The following SETD3 variants were observed in gnomAD, a reference collection of about 807,000 sequenced individuals.
SETD3 encodes SET domain containing 3, actin N3(tau)-histidine methyltransferase, also known as actin-histidine N-methyltransferase.
A neutral mutation model predicts 63.0 loss-of-function variants in SETD3; 19 were observed. That is an observed-to-expected ratio of 0.30 (90% confidence interval 0.21 to 0.44). The LOEUF (loss-of-function observed/expected upper bound fraction) is 0.44. SETD3 is among the 20% of genes least tolerant of loss of function. The pLI is 1.00. For synonymous variants in SETD3, 286 were observed against 264.1 expected, an observed-to-expected ratio of 1.08 and a Z score of -0.80; for missense variants, 587 against 728.5, an observed-to-expected ratio of 0.81 and a Z score of 2.24.
intron 6 of SETD3, among the ~76,000 whole-genome samples, chr14:99,446,901 C>A (rs1566716688): frequency 6.6e-6 from 1 of 151,846 alleles, no homozygotes; most frequent in Non-Finnish European, 1.5e-5. Context: ...CTCCCCCAGG[C>A]TCCAAGGCAG....
intron 6 of SETD3, among the ~76,000 whole-genome samples, chr14:99,447,022 G>C (rs1029651472): frequency 6.7e-6 from 1 of 150,372 alleles, no homozygotes; most frequent in African/African-American, 2.5e-5. Flanking sequence ...ACCCAGGCTA[G>C]AGCGCAGTGG....
chr14:99,457,099 CATGAAGAG>C (rs1295003735), intron 6 of SETD3, among the ~76,000 whole-genome samples: 6 of 152,204 alleles, frequency 3.9e-5, no homozygotes, highest in Non-Finnish European at 7.3e-5. Context: ...CCTTCCAGGT[CATGAAGAG>C]CCAAACCAAC....
chr14:99,468,341 T>C (rs1895510479), intron 1 of SETD3, among the ~76,000 whole-genome samples: 1 of 151,838 alleles, frequency 6.6e-6, no homozygotes, highest in Admixed American at 6.6e-5. Context: ...GTCTCGTACA[T>C]CTCCCTGCCC....
At chr14:99,459,930 A>T (rs1431371712) in intron 4 of SETD3, among the ~76,000 whole-genome samples, 3 of 152,180 alleles carry the variant, frequency 2.0e-5, no homozygotes, top group African/African-American at 7.2e-5. Flanking sequence ...GTGAGAAATA[A>T]ATGTCTGTTG....
chr14:99,399,545 A>G (rs1410180883), intron 12 of SETD3, among the ~76,000 whole-genome samples: 1 of 152,188 alleles, frequency 6.6e-6, no homozygotes, highest in Non-Finnish European at 1.5e-5. Context: ...GTGAACTTAA[A>G]AAGCACAAAT....
At chr14:99,415,213 TG>T (rs1404907159) in intron 6 of SETD3, among the ~76,000 whole-genome samples, 2 of 152,166 alleles carry the variant, frequency 1.3e-5, no homozygotes, top group Non-Finnish European at 2.9e-5. Context: ...AGTGGGAAAG[TG>T]TTGTTTTTGT....
At chr14:99,420,615 C>A (rs1892533682) in intron 6 of SETD3, among the ~76,000 whole-genome samples, 2 of 152,162 alleles carry the variant, frequency 1.3e-5, no homozygotes, top group Non-Finnish European at 2.9e-5. Flanking sequence ...ACACAGCTTT[C>A]CACATCCTTC....
intron 1 of SETD3, among the ~76,000 whole-genome samples, chr14:99,470,578 T>A (rs1373112892): frequency 1.3e-5 from 2 of 152,170 alleles, no homozygotes; most frequent in Non-Finnish European, 2.9e-5. Flanking sequence ...GCTCTTCCAG[T>A]AAGCCTCCCC....
intron 6 of SETD3, among the ~76,000 whole-genome samples, chr14:99,424,221 G>A (rs1271669413): frequency 6.6e-6 from 1 of 152,154 alleles, no homozygotes; most frequent in African/African-American, 2.4e-5. Flanking sequence ...TTCAGAATTG[G>A]GTTTTGAAAT....
intron 6 of SETD3, among the ~76,000 whole-genome samples, chr14:99,450,355 A>G (rs1414888629): frequency 6.6e-6 from 1 of 152,244 alleles, no homozygotes; most frequent in Admixed American, 6.5e-5. Context: ...ATCTTGTGCT[A>G]TTCTTGTGTA....
chr14:99,447,162 G>A (rs761225266), intron 6 of SETD3, among the ~76,000 whole-genome samples: 3 of 151,976 alleles, frequency 2.0e-5, no homozygotes, highest in African/African-American at 4.8e-5. Flanking sequence ...TAGTAGAGAC[G>A]GGGTTTCACC....
chr14:99,436,073 G>A lies in SETD3; in HGVS notation c.676-22139C>T, dbSNP rs1041678716. Reference sequence around the variant, plus strand: ...AGAAGTGCCAAACAAAGGGGAAAGAGCCCTTATAAAACCATCAGACCTTGT... The same window carrying A: ...AGAAGTGCCAAACAAAGGGGAAAGAACCCTTATAAAACCATCAGACCTTGT... On this transcript the variant is annotated intron_variant, in intron 6 of 12. Coordinates refer to ENST00000331768, the MANE Select transcript of SETD3 (RefSeq NM_032233.3). Among the ~76,000 whole-genome samples, 4 of 152,220 alleles carry A rather than the reference G, an allele frequency of 2.6e-5. No homozygotes were observed. The East Asian group carries it at 7.8e-4, about 29-fold the overall frequency.
intron 11 of SETD3, among the ~76,000 whole-genome samples, chr14:99,401,061 C>T (rs991908654): frequency 6.6e-6 from 1 of 151,958 alleles, no homozygotes. Context: ...ATGACTTGAA[C>T]CCAGGAGGTG....
rs570701043 is a variant in SETD3, at chr14:99,409,414, A to C, written c.850-2824T>G. 1.2e-4 allele frequency among the ~76,000 whole-genome samples: 19 copies of C among 152,270 alleles called. No homozygotes were observed. In the East Asian group the frequency reaches 3.7e-3, roughly 29 times the overall value. On this transcript the variant is annotated intron_variant, in intron 8 of 12. Transcript: ENST00000331768. The stretch of plus-strand genomic sequence containing the variant: ...GGGTGGCAGCCGGAGTTTGTTGGCA[A>C]TGCTGGAGGAGGAACCCAGCAGGGA...
chr14:99,455,783 G>A (rs922769598), intron 6 of SETD3, among the ~76,000 whole-genome samples: 1 of 152,154 alleles, frequency 6.6e-6, no homozygotes, highest in Admixed American at 6.5e-5. Context: ...TTTTGTAGGG[G>A]CTGCCCTATA....
intron 6 of SETD3, among the ~76,000 whole-genome samples, chr14:99,419,426 T>A (rs1892456242): frequency 6.6e-6 from 1 of 152,194 alleles, no homozygotes; most frequent in Non-Finnish European, 1.5e-5. Context: ...ATAATCTACA[T>A]CCAGTTAAAT....
chr14:99,478,471 C>T (rs1896086553), intron 1 of SETD3, among the ~76,000 whole-genome samples: 1 of 152,172 alleles, frequency 6.6e-6, no homozygotes, highest in Non-Finnish European at 1.5e-5. Context: ...TACAGTATTA[C>T]TAGTTACAGT....
intron 4 of SETD3, among the ~76,000 whole-genome samples, chr14:99,460,904 A>C (rs1895029498): frequency 6.6e-6 from 1 of 152,188 alleles, no homozygotes; most frequent in Non-Finnish European, 1.5e-5. Context: ...CCTTATCTTT[A>C]GGTAAATCTC....
At chr14:99,471,783 T>C (rs1895720733) in intron 1 of SETD3, among the ~76,000 whole-genome samples, 1 of 152,146 alleles carries the variant, frequency 6.6e-6, no homozygotes, top group African/African-American at 2.4e-5. Context: ...TAGAAAGCAA[T>C]AAAGCAGGAA....
Sources: allele counts gnomAD v4.1 joint callset (sites outside exome capture counted in the v4.1 genomes callset), GRCh38; gene constraint gnomAD v4.1.1; transcripts MANE v1.5; gene names NCBI Gene and HGNC (gene_info 2026-07-23, HGNC 2026-07-21).